PZP: variants seen among roughly 807,000 people sequenced by gnomAD.
The protein encoded by PZP is PZP alpha-2-macroglobulin like.
Under a neutral mutation model 179.8 loss-of-function variants are expected in PZP, and 150 were observed. That is an observed-to-expected ratio of 0.83 (90% CI 0.73 to 0.96). The LOEUF is 0.96. Among genes scored for constraint, PZP ranks in the 40% least tolerant of loss-of-function variants. The probability of loss-of-function intolerance (pLI) is 0.00; values close to 1 mark genes in which losing one functional copy is unlikely to be tolerated. For missense variants in PZP, 1,689 were observed against 1,764.0 expected (o/e 0.96, Z 0.76); for synonymous variants, 624 against 652.3 (o/e 0.96, Z 0.66).
chr12:9,138,796 C>G, the PZP span, among the ~76,000 whole-genome samples: 2 of 152,008 alleles, frequency 1.3e-5, no homozygotes, highest in East Asian at 3.9e-4. Context: ...CACTTATGAT[C>G]ATTTTTATTT....
intron 1 of PZP, 34 bp from the exon 2 acceptor site, chr12:9,203,985 C>G: frequency 6.4e-7 from 1 of 1,551,808 alleles, no homozygotes; most frequent in Non-Finnish European, 8.8e-7. Context: ...TAGAGAAAAA[C>G]TGATGATAGT....
chr12:9,200,425 C>T lies in PZP; in HGVS notation c.694G>A (p.Val232Ile), dbSNP rs1442156163. Reference sequence around the variant, plus strand: ...ATACTGATTATCTTTGGCACCTGAACTTTGACCTCAAACTTGGGAAGCACT... The same window carrying T: ...ATACTGATTATCTTTGGCACCTGAATTTTGACCTCAAACTTGGGAAGCACT... ...EFVLPKFEVK[V>I]QVPKIISIMD... Residue 232 changes from valine (V) to isoleucine (I), a missense_variant, in exon 7 of 36, where the codon GTT becomes ATT. Transcript: ENST00000261336. 1.2e-6 allele frequency: 2 copies of T among 1,611,006 alleles called. No individual in the cohort carries two copies. The highest frequency in any genetic ancestry group is 1.7e-6 in the Non-Finnish European group (2 of 1,177,412).
chr12:9,178,494 A>G (rs956516274), intron 15 of PZP, among the ~76,000 whole-genome samples: 2 of 152,202 alleles, frequency 1.3e-5, no homozygotes, highest in Admixed American at 1.3e-4. Context: ...TGCTTCCTTT[A>G]GGTGAAAAGG....
In PZP at chr12:9,161,133, C is replaced by A; in HGVS notation, c.2789-17G>T. On this transcript the variant is annotated splice_polypyrimidine_tract_variant and intron_variant, in intron 22 of 35. Transcript: ENST00000261336. ...CATTAGCACCTTTAGAAACAGACAG[C>A]CCATGTTAAAGGAGGACATCTATGA... 1 of 1,527,448 alleles carries A rather than the reference C, an allele frequency of 6.5e-7. No homozygotes were observed. Among genetic ancestry groups the A allele is most frequent in the Non-Finnish European group, 9.0e-7 (1 of 1,115,994 alleles). The allele number at this position is 1,527,448 out of a possible 1,614,324, so 94.6% of individuals were successfully genotyped here. A position where few individuals can be genotyped will look rare whatever the true frequency, so the allele number is the denominator to read the frequency against.
Position 9,175,356 on chromosome 12 carries a change from AC to A in PZP, c.1839+5626del, listed in dbSNP as rs757779385. Among the ~76,000 whole-genome samples the A allele has an allele frequency of 6.6e-5, 10 of 152,264 alleles. No individual in the cohort carries two copies. The South Asian group carries it at 1.9e-3, about 28-fold the overall frequency. ...AAATGTGAAACCCAAAACTATAAAG[AC>A]CCTTGAAGAAAATCTAGGCAATACC... is the stretch of plus-strand genomic sequence containing the variant. On this transcript the variant is annotated intron_variant, in intron 15 of 35. Transcript: ENST00000261336.
intron 15 of PZP, among the ~76,000 whole-genome samples, chr12:9,178,434 C>A (rs1942534889): frequency 6.6e-6 from 1 of 152,138 alleles, no homozygotes; most frequent in Admixed American, 6.5e-5. Flanking sequence ...GGCCCCAATG[C>A]ACCAGAGTAT....
At chr12:9,199,610 C>G (rs1944034208) in intron 7 of PZP, among the ~76,000 whole-genome samples, 1 of 151,916 alleles carries the variant, frequency 6.6e-6, no homozygotes, top group Admixed American at 6.6e-5. Context: ...ATTCTGCAAG[C>G]AAGACTTCTA....
In PZP at chr12:9,203,813, A is replaced by G. The variant is rs1302309062; in HGVS notation, c.222T>C (p.Thr74=). 1 of 1,614,014 alleles carries G rather than the reference A, an allele frequency of 6.2e-7. No homozygotes were observed. The highest frequency in any genetic ancestry group is 8.5e-7 in the Non-Finnish European group (1 of 1,180,016). Residue 74 remains threonine (T), a synonymous_variant, in exon 2 of 36, where the codon ACT becomes ACC. Transcript: ENST00000261336. ...ATAAGTCCTTCTCCGCCACCAGGTCAGTGAAGAGGCTCCTGTTTTCCCTGC... is the reference window on the plus strand; with the variant it reads ...ATAAGTCCTTCTCCGCCACCAGGTCGGTGAAGAGGCTCCTGTTTTCCCTGC... ...ESGRENRSLF[T]DLVAEKDLFH...
chr12:9,140,587 G>T, the PZP span, among the ~76,000 whole-genome samples: 4 of 152,160 alleles, frequency 2.6e-5, no homozygotes, highest in Non-Finnish European at 5.9e-5. Flanking sequence ...TTGTTACCTA[G>T]GCCTTTTAAA....
chr12:9,182,132 G>GTGAGACAAAATGGTCATA lies in PZP; in HGVS notation c.1547-16_1547-15insTATGACCATTTTGTCTCA, dbSNP rs2120975498. 2 of 1,554,332 alleles carry GTGAGACAAAATGGTCATA rather than the reference G, an allele frequency of 1.3e-6. No individual in the cohort carries two copies. The highest frequency in any genetic ancestry group is 1.7e-6 in the Non-Finnish European group (2 of 1,146,646). On this transcript the variant is annotated splice_polypyrimidine_tract_variant and intron_variant, in intron 13 of 35. Transcript: ENST00000261336. Reference sequence around the variant, plus strand: ...ACTGCCTTTCACTGGAACATGGAGAGAGTGAGACAAAATGGTCATAAGTGA... The same window carrying GTGAGACAAAATGGTCATA: ...ACTGCCTTTCACTGGAACATGGAGAGTGAGACAAAATGGTCATAAGTGAGACAAAATGGTCATAAGTGA...
Position 9,196,257 on chromosome 12 carries a change from G to A in PZP, c.1092+73C>T. ...TAACTGATAACACTAACCAAGTGTG[G>A]GCTGCATCATTGTGTCCTGTGCTTA... On this transcript the variant is annotated intron_variant, in intron 10 of 35. Coordinates refer to ENST00000261336, the MANE Select transcript of PZP (RefSeq NM_002864.3). 2.0e-6 allele frequency: 2 copies of A among 995,026 alleles called. 1 individual carries two copies. Among genetic ancestry groups the A allele is most frequent in the Middle Eastern group, 4.7e-4 (2 of 4,274 alleles). The allele number at this position is 995,026 out of a possible 1,614,324, so 61.6% of individuals were successfully genotyped here.
rs1941416009 is a variant in PZP, at chr12:9,164,147, G to A, written c.2600C>T (p.Thr867Ile). ...NERQTLSWTV[T>I]PKTLGNVNFS... ...CTGTCACTCACCCAGAGTTTTAGGA[G>A]TCACTGTCCAAGACAAGGTTTGTCT... Residue 867 changes from threonine to isoleucine, a missense_variant, in exon 20 of 36, where the codon ACT becomes ATT. Thr to Ile is a moderately conservative substitution (Grantham distance 89). Coordinates refer to ENST00000261336, the MANE Select transcript of PZP (RefSeq NM_002864.3). The A allele has an allele frequency of 6.2e-7, 1 of 1,611,418 alleles. No homozygotes were observed. The highest frequency in any genetic ancestry group is 1.3e-5 in the African/African-American group (1 of 74,870).
intron 29 of PZP, among the ~76,000 whole-genome samples, chr12:9,153,588 C>T (rs985099506): frequency 6.6e-6 from 1 of 152,108 alleles, no homozygotes; most frequent in Non-Finnish European, 1.5e-5. Context: ...ATTGACAGTC[C>T]TTTTGGATAT....
intron 19 of PZP, 147 bp downstream of exon 19, chr12:9,164,992 G>T: frequency 1.0e-6 from 1 of 978,456 alleles, no homozygotes; most frequent in Non-Finnish European, 1.5e-6. Flanking sequence ...TTCTGATCAT[G>T]TCCTGCTTTG....
rs996836581 is a variant in PZP, at chr12:9,148,993, A to G, written c.4428T>C (p.Asp1476=). 1.3e-5 allele frequency: 21 copies of G among 1,611,378 alleles called. No homozygotes were observed. Among genetic ancestry groups the G allele is most frequent in the Non-Finnish European group, 1.7e-5 (20 of 1,177,644 alleles). ...VAEYIAPCST[D]TEHGNV ...GTCCTCAAACATTTCCATGCTCTGT[A>G]TCTATGGAGAAAAGAAAAACGTAAG... The change falls in exon 36 of 36, where the codon GAT becomes GAC. Residue 1476 remains aspartate (D), a splice_region_variant and synonymous_variant. Transcript: ENST00000261336.
chr12:9,181,445 A>G (rs1942754010), intron 14 of PZP, among the ~76,000 whole-genome samples: 1 of 152,216 alleles, frequency 6.6e-6, no homozygotes, highest in South Asian at 2.1e-4. Context: ...ATCAAAAGTG[A>G]TTCTATTTAG....
At chr12:9,141,391 C>T in the PZP span, among the ~76,000 whole-genome samples, 5 of 152,258 alleles carry the variant, frequency 3.3e-5, no homozygotes, top group South Asian at 8.3e-4. Context: ...TACATTTACC[C>T]GATTTTAATG....
chr12:9,138,766 G>A, the PZP span, among the ~76,000 whole-genome samples: 40 of 151,890 alleles, frequency 2.6e-4, no homozygotes, highest in African/African-American at 7.0e-4. Context: ...TAGGTTATTC[G>A]ATTAGTTGAC....
rs754705907 is a variant in PZP, at chr12:9,182,068, G to A, written c.1596C>T (p.Pro532=). ...TGGCAAAGATGAACATTCGTGCAAT[G>A]GGGGCAACGTCTGACTCCACAGGGA... ...LSFPVESDVA[P]IARMFIFAIL... Residue 532 remains proline, a synonymous_variant, in exon 14 of 36, where the codon CCC becomes CCT. Coordinates refer to ENST00000261336, the MANE Select transcript of PZP (RefSeq NM_002864.3). 15 of 1,613,616 alleles carry A rather than the reference G, an allele frequency of 9.3e-6. No homozygotes were observed. The East Asian group carries it at 1.3e-4, about 14-fold the overall frequency.
Sources: allele counts gnomAD v4.1 joint callset (sites outside exome capture counted in the v4.1 genomes callset), GRCh38; gene constraint gnomAD v4.1.1; transcripts MANE v1.5; gene names NCBI Gene and HGNC (gene_info 2026-07-23, HGNC 2026-07-21).